Variants in TSHZ2 observed in about 807,000 individuals in gnomAD.
TSHZ2 encodes teashirt zinc finger homeobox 2.
A neutral mutation model predicts 74.4 loss-of-function variants in TSHZ2; 21 were observed. That is an observed-to-expected ratio of 0.28 (90% CI 0.20 to 0.41). The LOEUF is 0.41. Ranked by LOEUF, TSHZ2 falls within the 10% of genes least tolerant of loss-of-function variation. The probability of loss-of-function intolerance (pLI) is 1.00; values close to 1 mark genes in which losing one functional copy is unlikely to be tolerated. For synonymous variants in TSHZ2, 540 were observed against 515.3 expected (o/e 1.05, Z -0.65); for missense variants, 1,244 against 1,293.5 (o/e 0.96, Z 0.59).
chr20:53,392,370 G>T (rs1002566549), intron 2 of TSHZ2, among the ~76,000 whole-genome samples: 9 of 152,184 alleles, frequency 5.9e-5, no homozygotes, highest in Non-Finnish European at 1.2e-4. Flanking sequence ...CTTGAACCTG[G>T]GAGGCAGAGG....
At chr20:53,019,687 G>T (rs543948105) in intron 1 of TSHZ2, among the ~76,000 whole-genome samples, 76 of 152,266 alleles carry the variant, frequency 5.0e-4, no homozygotes, top group African/African-American at 1.8e-3. Flanking sequence ...TCGTGGGCAA[G>T]TTGCCTACTT....
Position 53,256,227 on chromosome 20 carries a change from C to T in TSHZ2, c.2769C>T (p.His923=). Residue 923 remains histidine, a synonymous_variant, in exon 2 of 3, where the codon CAC becomes CAT. Transcript: ENST00000371497. This position sits in a 1 kb window ranked among gnomAD's most constrained non-coding sequence, Gnocchi z 4.3. ...TTCTGAAAAACATGGACAAAGGCCA[C>T]CCCATCTTTTATTGCAGTGACTGTG... ...TKFLKNMDKG[H]PIFYCSDCAS... 1.2e-6 allele frequency: 2 copies of T among 1,613,788 alleles called. No homozygotes were observed. Among genetic ancestry groups the T allele is most frequent in the Non-Finnish European group, 1.7e-6 (2 of 1,179,758 alleles).
chr20:53,325,040 C>A (rs934356311), intron 2 of TSHZ2, among the ~76,000 whole-genome samples: 1 of 152,206 alleles, frequency 6.6e-6, no homozygotes, highest in Non-Finnish European at 1.5e-5. Context: ...AAAGACTTGG[C>A]AAGTGGCATG....
intron 2 of TSHZ2, among the ~76,000 whole-genome samples, chr20:53,408,920 T>C (rs1235872267): frequency 1.3e-5 from 2 of 152,230 alleles, no homozygotes; most frequent in African/African-American, 4.8e-5. Flanking sequence ...CTTTTCCAAC[T>C]GACAGCTTAG....
chr20:53,427,208 G>C (rs1983686498), intron 2 of TSHZ2, among the ~76,000 whole-genome samples: 2 of 152,178 alleles, frequency 1.3e-5, no homozygotes, highest in Non-Finnish European at 2.9e-5. Context: ...GTAGCACAAA[G>C]AAGGGGAAGA....
intron 2 of TSHZ2, among the ~76,000 whole-genome samples, chr20:53,269,650 G>A (rs752073102): frequency 1.5e-4 from 23 of 152,276 alleles, no homozygotes; most frequent in Non-Finnish European, 2.5e-4. Context: ...TGTAACACAC[G>A]AACTTAGAAT....
At chr20:53,037,190 C>T (rs1247046590) in intron 1 of TSHZ2, among the ~76,000 whole-genome samples, 1 of 152,206 alleles carries the variant, frequency 6.6e-6, no homozygotes, top group African/African-American at 2.4e-5. Flanking sequence ...GCCAGTGTCA[C>T]CCTTGCCAGG....
chr20:53,045,962 A>G (rs1473511358), intron 1 of TSHZ2, among the ~76,000 whole-genome samples: 2 of 152,138 alleles, frequency 1.3e-5, no homozygotes, highest in African/African-American at 4.8e-5. Flanking sequence ...CTTTCTCTGT[A>G]TCTGTTTCCT....
At chr20:53,134,566 T>C (rs1987193547) in intron 1 of TSHZ2, among the ~76,000 whole-genome samples, 1 of 148,568 alleles carries the variant, frequency 6.7e-6, no homozygotes, top group Non-Finnish European at 1.5e-5. Context: ...TTGACTTGTC[T>C]GTGTCTTCCG....
At position 53,111,853 on chromosome 20, in the gene TSHZ2, C is replaced by T. The variant is rs145130497; in HGVS notation, c.40+138520C>T. Among the ~76,000 whole-genome samples, 16 of 149,782 alleles carry T rather than the reference C, an allele frequency of 1.1e-4. No homozygotes were observed. The East Asian group carries it at 3.0e-3, about 28-fold the overall frequency. On this transcript the variant is annotated intron_variant, in intron 1 of 2. Transcript: ENST00000371497. ...TGTGGGATGACCCCCAGAGATTGCA[C>T]GCTCTGGTACCTGATGCAGAGCTTA...
chr20:53,031,801 C>G (rs912731809), intron 1 of TSHZ2, among the ~76,000 whole-genome samples: 1 of 151,984 alleles, frequency 6.6e-6, no homozygotes, highest in Non-Finnish European at 1.5e-5. Context: ...GAATATGTTA[C>G]TCAAGAGAAA....
intron 1 of TSHZ2, among the ~76,000 whole-genome samples, chr20:53,076,335 A>G (rs1028660697): frequency 1.3e-5 from 2 of 152,236 alleles, no homozygotes; most frequent in South Asian, 2.1e-4. Context: ...CAAACTGCAC[A>G]TGGCTGATAA....
chr20:53,131,054 T>C (rs1308153576), intron 1 of TSHZ2, among the ~76,000 whole-genome samples: 1 of 152,228 alleles, frequency 6.6e-6, no homozygotes, highest in Non-Finnish European at 1.5e-5. Context: ...ATTTTATGTA[T>C]GTGTCTTCCA....
Position 53,005,401 on chromosome 20 carries a change from T to C in TSHZ2, c.40+32068T>C, listed in dbSNP as rs1031555356. ...AAATGTTGAAGCTGGAGAAAACGTG[T>C]AGATGTCCTGCCATCTGAACTCTTC... is the stretch of plus-strand genomic sequence containing the variant. On this transcript the variant is annotated intron_variant, in intron 1 of 2. Coordinates refer to ENST00000371497, the MANE Select transcript of TSHZ2 (RefSeq NM_173485.6). 2.6e-5 allele frequency among the ~76,000 whole-genome samples: 4 copies of C among 152,178 alleles called. No individual in the cohort carries two copies. In the East Asian group the frequency reaches 7.7e-4, roughly 29 times the overall value.
Position 53,447,912 on chromosome 20 carries a change from ATTTT to A in TSHZ2, c.*9-39216_*9-39213del, listed in dbSNP as rs3042218. Among the ~76,000 whole-genome samples, 260 of 134,840 alleles carry A rather than the reference ATTTT, an allele frequency of 1.9e-3. 1 individual carries two copies. The highest frequency in any genetic ancestry group is 6.7e-3 in the African/African-American group (241 of 35,872). 88.5% of individuals were successfully genotyped at this position (134,840 alleles called of 152,430 possible). On this transcript the variant is annotated intron_variant, in intron 2 of 2. Coordinates refer to ENST00000371497, the MANE Select transcript of TSHZ2 (RefSeq NM_173485.6). ...AGTGAGTATTGCCAGGGAAGAAGAA[ATTTT>A]TTTTTTTTTTTTTTTGAGACGGAGT...
intron 1 of TSHZ2, among the ~76,000 whole-genome samples, chr20:53,150,224 C>T (rs1987643724): frequency 6.6e-6 from 1 of 152,118 alleles, no homozygotes. Flanking sequence ...TAGTTGGGGT[C>T]TGGAGTCTAT....
chr20:53,463,663 TA>T (rs1985471472), intron 2 of TSHZ2, among the ~76,000 whole-genome samples: 1 of 152,158 alleles, frequency 6.6e-6, no homozygotes, highest in South Asian at 2.1e-4. Flanking sequence ...GAGGAACTTT[TA>T]AAAACCCCGG....
chr20:53,469,595 A>AGGAAGGAC (rs1458606564), intron 2 of TSHZ2, among the ~76,000 whole-genome samples: 1 of 120,520 alleles, frequency 8.3e-6, no homozygotes, highest in African/African-American at 3.3e-5. Flanking sequence ...GAAGGAAGGA[A>AGGAAGGAC]GGACCCAAGA....
intron 2 of TSHZ2, among the ~76,000 whole-genome samples, chr20:53,390,724 C>T (rs1452541369): frequency 6.6e-6 from 1 of 152,206 alleles, no homozygotes; most frequent in Non-Finnish European, 1.5e-5. Context: ...GGAATCGCCA[C>T]ACTGTCTTCA....
Sources: allele counts gnomAD v4.1 joint callset (sites outside exome capture counted in the v4.1 genomes callset), GRCh38; gene constraint gnomAD v4.1.1; non-coding constraint Gnocchi (gnomAD v3.1); transcripts MANE v1.5; gene names NCBI Gene and HGNC (gene_info 2026-07-23, HGNC 2026-07-21).